RBM47: variants seen among roughly 807,000 people sequenced by gnomAD.
RBM47 encodes the protein RNA binding motif protein 47, also known as RNA-binding protein 47.
RBM47 carries 21 observed loss-of-function variants against 47.1 expected under a neutral mutation model. The observed-to-expected ratio is 0.45, with a 90% CI of 0.32 to 0.64. RBM47 has a LOEUF of 0.64. RBM47 is among the 30% of genes least tolerant of loss of function. The pLI is 0.05. For missense variants in RBM47, 708 were observed against 870.9 expected (o/e 0.81, Z 2.35); for synonymous variants, 375 against 361.7 (o/e 1.04, Z -0.42).
At chr4:40,593,676 C>T (rs768851874) in intron 1 of RBM47, among the ~76,000 whole-genome samples, 2 of 151,892 alleles carry the variant, frequency 1.3e-5, no homozygotes, top group Middle Eastern at 6.8e-3. Context: ...GTCAGGAGAT[C>T]GAGACCATCC....
At chr4:40,618,826 AAAAAAAAAG>A (rs1399207666) in intron 1 of RBM47, among the ~76,000 whole-genome samples, 5 of 150,862 alleles carry the variant, frequency 3.3e-5, no homozygotes, top group African/African-American at 4.9e-5. Context: ...AAAAAAAAAA[AAAAAAAAAG>A]GGAAACTTCC....
chr4:40,479,859 T>C (rs2154241038), intron 2 of RBM47, among the ~76,000 whole-genome samples: 1 of 152,192 alleles, frequency 6.6e-6, no homozygotes, highest in East Asian at 1.9e-4. Context: ...AAAATAACTA[T>C]AGCTAACTCC....
chr4:40,611,710 A>G (rs1245668951), intron 1 of RBM47, among the ~76,000 whole-genome samples: 2 of 152,106 alleles, frequency 1.3e-5, no homozygotes, highest in African/African-American at 4.8e-5. Flanking sequence ...CCTGGGCAAC[A>G]AGAGCAAAAC....
At chr4:40,593,801 G>GC (rs1282960829) in intron 1 of RBM47, among the ~76,000 whole-genome samples, 1 of 151,520 alleles carries the variant, frequency 6.6e-6, no homozygotes, top group East Asian at 1.9e-4. Flanking sequence ...GGAGAATGGC[G>GC]CGAACCTGGG....
intron 1 of RBM47, among the ~76,000 whole-genome samples, chr4:40,550,708 C>A (rs1336075818): frequency 6.6e-6 from 1 of 152,010 alleles, no homozygotes; most frequent in Non-Finnish European, 1.5e-5. Context: ...TGTGAGCCAC[C>A]GCGCCTGGCC....
intron 2 of RBM47, among the ~76,000 whole-genome samples, chr4:40,481,697 G>A (rs1214325134): frequency 2.0e-5 from 3 of 151,866 alleles, no homozygotes; most frequent in Admixed American, 2.0e-4. Flanking sequence ...GATTACAGGT[G>A]TGCGCCACCA....
intron 2 of RBM47, among the ~76,000 whole-genome samples, chr4:40,497,442 A>AC (rs1475502264): frequency 6.6e-6 from 1 of 151,752 alleles, no homozygotes; most frequent in Non-Finnish European, 1.5e-5. Flanking sequence ...ACATAGTGGG[A>AC]CCCCCTTCTC....
chr4:40,563,094 G>C (rs1051804902), intron 1 of RBM47, among the ~76,000 whole-genome samples: 3 of 152,240 alleles, frequency 2.0e-5, no homozygotes, highest in Non-Finnish European at 4.4e-5. Flanking sequence ...AGGAGGCTGA[G>C]GCAGGAGAAT....
intron 2 of RBM47, among the ~76,000 whole-genome samples, chr4:40,510,643 A>G (rs2154253242): frequency 6.6e-6 from 1 of 152,322 alleles, no homozygotes; most frequent in Middle Eastern, 3.4e-3. Context: ...ATTAGTAAGT[A>G]CTGACTGAAT....
chr4:40,580,892 G>T (rs1453233525), intron 1 of RBM47, among the ~76,000 whole-genome samples: 1 of 152,278 alleles, frequency 6.6e-6, no homozygotes, highest in Non-Finnish European at 1.5e-5. Context: ...TGAACAAAGA[G>T]ACAGGGAGCC....
At chr4:40,504,769 C>T (rs1723866745) in intron 2 of RBM47, among the ~76,000 whole-genome samples, 1 of 152,108 alleles carries the variant, frequency 6.6e-6, no homozygotes, top group Non-Finnish European at 1.5e-5. Flanking sequence ...AAAGTCCCAC[C>T]CACCAAAAAT....
At chr4:40,532,653 T>C in intron 2 of RBM47, among the ~76,000 whole-genome samples, 1 of 122,440 alleles carries the variant, frequency 8.2e-6, no homozygotes, top group Non-Finnish European at 1.6e-5. Flanking sequence ...TTTTTTCTTT[T>C]TAAATATTTT....
intron 1 of RBM47, among the ~76,000 whole-genome samples, chr4:40,610,480 G>T (rs1425888852): frequency 7.3e-5 from 11 of 151,608 alleles, no homozygotes; most frequent in African/African-American, 2.7e-4. Flanking sequence ...CTCGGTGGCG[G>T]GTGCCTGTAG....
At chr4:40,608,564 C>G (rs923840085) in intron 1 of RBM47, among the ~76,000 whole-genome samples, 1 of 152,160 alleles carries the variant, frequency 6.6e-6, no homozygotes, top group South Asian at 2.1e-4. Flanking sequence ...TACGAAATAG[C>G]AATAAAAAGC....
intron 2 of RBM47, among the ~76,000 whole-genome samples, chr4:40,516,684 A>C (rs1725617588): frequency 6.6e-6 from 1 of 152,220 alleles, no homozygotes; most frequent in Admixed American, 6.5e-5. Context: ...AAACAGCCCA[A>C]GGTCACTGAG....
At chr4:40,477,401 T>C (rs1719773796) in intron 2 of RBM47, among the ~76,000 whole-genome samples, 1 of 152,340 alleles carries the variant, frequency 6.6e-6, no homozygotes, top group South Asian at 2.1e-4. Context: ...TAAATCGCTA[T>C]GTTCTGGCTG....
chr4:40,618,329 G>T (rs1476815405), intron 1 of RBM47, among the ~76,000 whole-genome samples: 1 of 152,180 alleles, frequency 6.6e-6, no homozygotes, highest in Non-Finnish European at 1.5e-5. Context: ...AGGAGGCTGA[G>T]GCAGGAGGAT....
chr4:40,461,827 C>T (rs1011213296), intron 3 of RBM47, among the ~76,000 whole-genome samples: 5 of 151,536 alleles, frequency 3.3e-5, no homozygotes, highest in African/African-American at 9.7e-5. Context: ...CCCAACTACT[C>T]GAGAGGCTGA....
At chr4:40,455,718 C>G (rs1716137897) in intron 3 of RBM47, 1 of 152,120 alleles carries the variant, frequency 6.6e-6, no homozygotes, top group Non-Finnish European at 1.5e-5. Context: ...TCACTGCACT[C>G]CGGTCTGAGC....
Sources: gnomAD v4.1 joint callset for allele counts (sites outside exome capture counted in the v4.1 genomes callset) on GRCh38, gnomAD v4.1.1 for gene constraint, MANE v1.5 for transcripts, NCBI Gene and HGNC (gene_info 2026-07-23, HGNC 2026-07-21) for gene names.